The following GPC5 variants were observed in gnomAD, a reference collection of about 807,000 sequenced individuals.
The protein encoded by GPC5 is glypican-5.
GPC5 carries 47 observed loss-of-function variants against 53.9 expected under a neutral mutation model. That is an observed-to-expected ratio of 0.87 (90% confidence interval 0.69 to 1.11). The LOEUF (loss-of-function observed/expected upper bound fraction) is 1.11. GPC5 is among the 50% of genes most tolerant of loss of function. The pLI is 0.00. For synonymous variants in GPC5, 286 were observed against 263.3 expected, an observed-to-expected ratio of 1.09 and a Z score of -0.84; for missense variants, 748 against 713.1, an observed-to-expected ratio of 1.05 and a Z score of -0.56.
At chr13:92,485,309 T>TTA (rs1437089516) in intron 7 of GPC5, among the ~76,000 whole-genome samples, 3 of 152,218 alleles carry the variant, frequency 2.0e-5, no homozygotes, top group African/African-American at 7.2e-5. Flanking sequence ...TAATTAAATG[T>TTA]TATTAATTCA....
intron 7 of GPC5, among the ~76,000 whole-genome samples, chr13:92,705,044 T>C (rs1412776416): frequency 6.6e-6 from 1 of 151,916 alleles, no homozygotes; most frequent in Non-Finnish European, 1.5e-5. Flanking sequence ...AATATGGATG[T>C]ACTAGAATTA....
intron 5 of GPC5, among the ~76,000 whole-genome samples, chr13:91,843,549 T>C (rs1161538785): frequency 6.6e-6 from 1 of 152,202 alleles, no homozygotes; most frequent in East Asian, 1.9e-4. Flanking sequence ...AAGATTTCCC[T>C]CACCTTGTAA....
chr13:92,114,298 TGCACACACACAG>T (rs527915937), intron 6 of GPC5, among the ~76,000 whole-genome samples: 106 of 152,264 alleles, frequency 7.0e-4, no homozygotes, highest in African/African-American at 2.5e-3. Context: ...TGCATGAGTG[TGCACACACACAG>T]GCACACACAC....
At chr13:92,332,555 A>T (rs2043295449) in intron 7 of GPC5, among the ~76,000 whole-genome samples, 1 of 152,164 alleles carries the variant, frequency 6.6e-6, no homozygotes, top group East Asian at 1.9e-4. Flanking sequence ...ACTCAATAGA[A>T]ATATTGTGAG....
At chr13:92,268,453 C>T (rs2042817478) in intron 7 of GPC5, among the ~76,000 whole-genome samples, 1 of 151,754 alleles carries the variant, frequency 6.6e-6, no homozygotes, top group Non-Finnish European at 1.5e-5. Context: ...AATACATACT[C>T]TTAATTCACT....
At chr13:91,592,764 C>G (rs1347034224) in intron 2 of GPC5, among the ~76,000 whole-genome samples, 1 of 152,192 alleles carries the variant, frequency 6.6e-6, no homozygotes, top group Non-Finnish European at 1.5e-5. Context: ...TAATCAGGTG[C>G]AGGAAAGCAT....
intron 7 of GPC5, among the ~76,000 whole-genome samples, chr13:92,648,982 C>T (rs1885861774): frequency 6.6e-6 from 1 of 152,096 alleles, no homozygotes; most frequent in African/African-American, 2.4e-5. Context: ...CTAGAACCTT[C>T]AGTATGCAAC....
At chr13:91,590,109 T>C (rs2032742634) in intron 2 of GPC5, among the ~76,000 whole-genome samples, 1 of 151,710 alleles carries the variant, frequency 6.6e-6, no homozygotes, top group Admixed American at 6.6e-5. Context: ...AACTGCTATT[T>C]ATTTGCGTTA....
At chr13:91,814,584 A>T (rs1228277737) in intron 5 of GPC5, among the ~76,000 whole-genome samples, 2 of 151,972 alleles carry the variant, frequency 1.3e-5, no homozygotes, top group Admixed American at 6.6e-5. Context: ...CTCGTCACCC[A>T]GGCTGGAGTA....
At chr13:92,639,558 C>CT (rs1555297933) in intron 7 of GPC5, among the ~76,000 whole-genome samples, 1 of 152,146 alleles carries the variant, frequency 6.6e-6, no homozygotes, top group African/African-American at 2.4e-5. Context: ...TTCATGGAGT[C>CT]TTATTTATCA....
chr13:92,620,681 A>G (rs1197090322), intron 7 of GPC5, among the ~76,000 whole-genome samples: 1 of 152,216 alleles, frequency 6.6e-6, no homozygotes, highest in East Asian at 1.9e-4. Context: ...GAAGATTTTT[A>G]GAGTGTGGGA....
chr13:92,487,755 G>C (rs1014953157), intron 7 of GPC5, among the ~76,000 whole-genome samples: 1 of 151,044 alleles, frequency 6.6e-6, no homozygotes, highest in African/African-American at 2.4e-5. Context: ...AGCTTGCTGA[G>C]AGTTGTGAGA....
In GPC5 at chr13:91,992,680, A is replaced by G. The variant is rs568001263; in HGVS notation, c.1401+84623A>G. On this transcript the variant is annotated intron_variant, in intron 6 of 7. Coordinates refer to ENST00000377067, the MANE Select transcript of GPC5 (RefSeq NM_004466.6). ...ACTGTGTTGGCCAGGCTGGTTTTGA[A>G]CACCTGACCTCATGATCTGCCCACC... is the stretch of plus-strand genomic sequence containing the variant. Among the ~76,000 whole-genome samples, 96 of 151,946 alleles carry G rather than the reference A, an allele frequency of 6.3e-4. 1 individual carries two copies. Among genetic ancestry groups the G allele is most frequent in the African/African-American group, 2.2e-3 (90 of 41,464 alleles).
At chr13:91,549,922 G>A (rs2030527527) in intron 2 of GPC5, among the ~76,000 whole-genome samples, 1 of 152,088 alleles carries the variant, frequency 6.6e-6, no homozygotes, top group Non-Finnish European at 1.5e-5. Context: ...CAATTTAGTT[G>A]AAAACTTATG....
At chr13:91,892,491 A>AT (rs1290385476) in intron 5 of GPC5, among the ~76,000 whole-genome samples, 4 of 151,782 alleles carry the variant, frequency 2.6e-5, no homozygotes, top group Admixed American at 2.6e-4. Context: ...AAAACATTTC[A>AT]TTTTTGATAC....
rs920209257 is a variant in GPC5 at position 92,119,526 on chromosome 13, C to T, written c.1402-25304C>T. ...ACCATTCTCCTGCCTCAGCCTCCCA[C>T]GTAGCTGGGACTACAAGGCGCCCGC... On this transcript the variant is annotated intron_variant, in intron 6 of 7. Transcript: ENST00000377067. Among the ~76,000 whole-genome samples the T allele has an allele frequency of 6.8e-5, 10 of 147,346 alleles. No homozygotes were observed. In the South Asian group the frequency reaches 1.1e-3, roughly 16 times the overall value.
intron 6 of GPC5, among the ~76,000 whole-genome samples, chr13:92,031,180 G>A (rs1229773611): frequency 6.6e-6 from 1 of 151,996 alleles, no homozygotes; most frequent in Non-Finnish European, 1.5e-5. Flanking sequence ...GCCATTGCGC[G>A]ATGTATTTCC....
intron 5 of GPC5, among the ~76,000 whole-genome samples, chr13:91,845,072 C>G (rs1566299719): frequency 6.6e-6 from 1 of 152,108 alleles, no homozygotes; most frequent in Non-Finnish European, 1.5e-5. Flanking sequence ...TTTAGGGTAG[C>G]TCTAATAATT....
At chr13:91,981,021 C>A (rs1047888194) in intron 6 of GPC5, among the ~76,000 whole-genome samples, 7 of 152,158 alleles carry the variant, frequency 4.6e-5, no homozygotes, top group East Asian at 1.9e-4. Flanking sequence ...CATGTGAATT[C>A]TTTGCAGTGT....
Sources: allele counts gnomAD v4.1 joint callset (sites outside exome capture counted in the v4.1 genomes callset), GRCh38; gene constraint gnomAD v4.1.1; transcripts MANE v1.5; gene names NCBI Gene and HGNC (gene_info 2026-07-23, HGNC 2026-07-21).